The following NLE1 variants were observed in gnomAD, a reference collection of about 807,000 sequenced individuals.
The protein encoded by NLE1 is notchless protein homolog 1.
In NLE1, 37 loss-of-function variants were observed where a neutral mutation model predicts 62.8. That is an observed-to-expected ratio of 0.59 (90% CI 0.45 to 0.78). The LOEUF (loss-of-function observed/expected upper bound fraction) is 0.78, where lower values mean the gene tolerates loss of function less well. Ranked by LOEUF, NLE1 falls within the 30% of genes least tolerant of loss-of-function variation. The probability of loss-of-function intolerance (pLI) is 0.00; values close to 1 mark genes in which losing one functional copy is unlikely to be tolerated. For missense variants in NLE1, 555 were observed against 637.9 expected, an observed-to-expected ratio of 0.87 and a Z score of 1.40; for synonymous variants, 243 against 253.0, an observed-to-expected ratio of 0.96 and a Z score of 0.37.
chr17:35,139,763 C>G, intron 3 of NLE1, 86 bp downstream of exon 3: 1 of 1,546,246 alleles, frequency 6.5e-7, no homozygotes, highest in Non-Finnish European at 8.7e-7. Context: ...GAGGCCCCAT[C>G]AATTATAACT....
intron 7 of NLE1, 41 bp downstream of exon 7, chr17:35,136,960 G>A: frequency 6.5e-7 from 1 of 1,531,010 alleles, no homozygotes; most frequent in South Asian, 1.2e-5. Flanking sequence ...CTTGTGACTT[G>A]CGATTTTCTG....
In NLE1 at chr17:35,133,073, G is replaced by A. The variant is rs181545227; in HGVS notation, c.1445+98C>T. ...CTCAAGACAGTCTGAGCACCTGGAC[G>A]GCCCTGCGGAATTCTATGCTGTAAG... On this transcript the variant is annotated intron_variant, in intron 12 of 12. Transcript: ENST00000442241. 33 of 1,180,734 alleles carry A rather than the reference G, an allele frequency of 2.8e-5. No homozygotes were observed. The African/African-American group carries it at 3.0e-4, about 11-fold the overall frequency. The allele number at this position is 1,180,734 out of a possible 1,614,324, so 73.1% of individuals were successfully genotyped here.
intron 6 of NLE1, 123 bp from the exon 7 acceptor site, chr17:35,137,316 C>T: frequency 1.0e-6 from 1 of 979,346 alleles, no homozygotes; most frequent in Non-Finnish European, 1.5e-6. Flanking sequence ...ACACCAAGAC[C>T]CGGCTGCACT....
At chr17:35,139,717 C>A in intron 3 of NLE1, 132 bp downstream of exon 3, 1 of 1,301,296 alleles carries the variant, frequency 7.7e-7, no homozygotes, top group South Asian at 1.5e-5. Context: ...TAATTGCAAG[C>A]TGAGTCCAGA....
At chr17:35,139,369 T>A in intron 3 of NLE1, 55 bp from the exon 4 acceptor site, 5 of 1,391,482 alleles carry the variant, frequency 3.6e-6, no homozygotes, top group Non-Finnish European at 5.1e-6. Context: ...TGCCACCTAT[T>A]CAATCACTTT....
In NLE1 at chr17:35,142,115, G is replaced by A; in HGVS notation, c.26C>T (p.Ala9Val). The part of the protein sequence containing the change: MAAAVPDE[A>V]VARDVQRLLV... The stretch of plus-strand genomic sequence containing the variant: ...CAACCGCTGCACATCGCGCGCCACC[G>A]CCTCGTCCTGCGCGAGCAAGTGGGG... The change falls in exon 2 of 13, where the codon GCG becomes GTG. Residue 9 changes from alanine to valine, a missense_variant. Transcript: ENST00000442241. The A allele has an allele frequency of 6.2e-7, 1 of 1,611,116 alleles. No individual in the cohort carries two copies. Among genetic ancestry groups the A allele is most frequent in the Non-Finnish European group, 8.5e-7 (1 of 1,179,314 alleles).
rs1404755890 is a variant in NLE1 at position 35,138,274 on chromosome 17, CTAAT to C, written c.461-388_461-385del. Among the ~76,000 whole-genome samples the C allele has an allele frequency of 1.1e-4, 16 of 152,334 alleles. No individual in the cohort carries two copies. The South Asian group carries it at 3.1e-3, about 30-fold the overall frequency. On this transcript the variant is annotated intron_variant, in intron 4 of 12. Coordinates refer to ENST00000442241, the MANE Select transcript of NLE1 (RefSeq NM_018096.5). ...GCCCTACACACACAAGGTCACTTAACTAATCTGTGGTATAGCAGTGGTTCTTCAA... is the reference window on the plus strand; with the variant it reads ...GCCCTACACACACAAGGTCACTTAACCTGTGGTATAGCAGTGGTTCTTCAA...
rs1423622351 is a variant in NLE1 at position 35,137,000 on chromosome 17, C to T, written c.828+1G>A. 1 of 1,593,916 alleles carries T rather than the reference C, an allele frequency of 6.3e-7. No individual in the cohort carries two copies. Among genetic ancestry groups the T allele is most frequent in the Non-Finnish European group, 8.6e-7 (1 of 1,165,004 alleles). On this transcript the variant is annotated splice_donor_variant, in intron 7 of 12. Coordinates refer to ENST00000442241, the MANE Select transcript of NLE1 (RefSeq NM_018096.5). LOFTEE classifies it high-confidence loss of function. ...GGTTTCTGAACCCTCCCAGCACTTA[C>T]GTCATGAGCTCTCCAGACTTTGATG...
Position 35,139,942 on chromosome 17 carries a change from G to A in NLE1, c.287C>T (p.Ala96Val), listed in dbSNP as rs1455144469. ...AGTCACAGCCCGGACTCTGAAGATA[G>A]CCTGTGGCTGGTAGATGATGTCTAG... ...KVLDIIYQPQ[A>V]IFRVRAVTRC... Residue 96 changes from alanine to valine, a missense_variant, in exon 3 of 13, where the codon GCT becomes GTT. Ala to Val is a moderately conservative substitution (Grantham distance 64). Coordinates refer to ENST00000442241, the MANE Select transcript of NLE1 (RefSeq NM_018096.5). The A allele has an allele frequency of 3.7e-6, 6 of 1,614,206 alleles. No homozygotes were observed. The South Asian group carries it at 5.5e-5, about 15-fold the overall frequency.
chr17:35,139,342 C>T, intron 3 of NLE1, 28 bp from the exon 4 acceptor site: 1 of 1,576,352 alleles, frequency 6.3e-7, no homozygotes, highest in Middle Eastern at 1.7e-4. Context: ...ATGCTTGACA[C>T]TGCACATGTG....
Position 35,129,866 on chromosome 17 carries a change from C to T in NLE1, c.*2571G>A, listed in dbSNP as rs894172606. 7.8e-6 allele frequency: 11 copies of T among 1,418,050 alleles called. 1 individual carries two copies. The highest frequency in any genetic ancestry group is 4.7e-5 in the South Asian group (3 of 64,140). The allele number at this position is 1,418,050 out of a possible 1,614,324, so 87.8% of individuals were successfully genotyped here. ...CTCTGGGGCCCACTAGGAATGCAAACGAATGTATTTTTCAACATCACTATA... is the reference window on the plus strand; with the variant it reads ...CTCTGGGGCCCACTAGGAATGCAAATGAATGTATTTTTCAACATCACTATA... On this transcript the variant is annotated 3_prime_UTR_variant, in exon 13 of 13. Coordinates refer to ENST00000442241, the MANE Select transcript of NLE1 (RefSeq NM_018096.5).
Position 35,129,591 on chromosome 17 carries a change from C to G in NLE1, c.*2846G>C. 1.9e-6 allele frequency: 3 copies of G among 1,614,182 alleles called. No homozygotes were observed. Among genetic ancestry groups the G allele is most frequent in the Non-Finnish European group, 2.5e-6 (3 of 1,180,040 alleles). The stretch of plus-strand genomic sequence containing the variant: ...AAGCTGATGGAGCTAAAGCCTAACA[C>G]GTGTTACTGCCTCAGTGTCCGTGCA... On this transcript the variant is annotated 3_prime_UTR_variant, in exon 13 of 13. Coordinates refer to ENST00000442241, the MANE Select transcript of NLE1 (RefSeq NM_018096.5).
chr17:35,141,907 C>T (rs2091946399), intron 2 of NLE1, 72 bp downstream of exon 2: 2 of 1,484,514 alleles, frequency 1.3e-6, no homozygotes, highest in South Asian at 2.5e-5. Flanking sequence ...ACCGCAGACC[C>T]TCGGTAATAT....
chr17:35,140,277 G>T (rs2091935168), intron 2 of NLE1, among the ~76,000 whole-genome samples: 1 of 152,212 alleles, frequency 6.6e-6, no homozygotes, highest in East Asian at 1.9e-4. Context: ...CACCCAGGCT[G>T]GAGTGCAGTG....
At chr17:35,135,125 C>A (rs574893732) in intron 10 of NLE1, 124 bp downstream of exon 10, 3 of 884,024 alleles carry the variant, frequency 3.4e-6, no homozygotes, top group South Asian at 2.7e-5. Flanking sequence ...TGCATATTAC[C>A]AAAGAGGAAA....
rs535550160 is a variant in NLE1 at position 35,139,710 on chromosome 17, T to C, written c.380+139A>G. 94 of 1,245,972 alleles carry C rather than the reference T, an allele frequency of 7.5e-5. No homozygotes were observed. In the South Asian group the frequency reaches 1.2e-3, roughly 15 times the overall value. The allele number at this position is 1,245,972 out of a possible 1,614,324, so 77.2% of individuals were successfully genotyped here. ...ATGCCCTACTGAGGAAGTCCCTTAA[T>C]TGCAAGCTGAGTCCAGAGCTTGGGT... On this transcript the variant is annotated intron_variant, in intron 3 of 12. Coordinates refer to ENST00000442241, the MANE Select transcript of NLE1 (RefSeq NM_018096.5).
rs752603152 is a variant in NLE1 at position 35,142,006 on chromosome 17, C to T, written c.135G>A (p.Gln45=). 1.3e-6 allele frequency: 2 copies of T among 1,599,184 alleles called. No homozygotes were observed. The highest frequency in any genetic ancestry group is 3.5e-5 in the Admixed American group (2 of 57,192). ...VPVDITPDRL[Q]LVCNALLAQE... is the part of the protein sequence containing the mutation. ...GGGCCAGTAGCGCGTTGCACACGAGCTGCAGCCTGTCCGGGGTGATGTCCA... is the reference window on the plus strand; with the variant it reads ...GGGCCAGTAGCGCGTTGCACACGAGTTGCAGCCTGTCCGGGGTGATGTCCA... Residue 45 remains glutamine, a synonymous_variant, in exon 2 of 13, where the codon CAG becomes CAA. Coordinates refer to ENST00000442241, the MANE Select transcript of NLE1 (RefSeq NM_018096.5).
At chr17:35,139,797 G>A in intron 3 of NLE1, 52 bp downstream of exon 3, 1 of 1,590,806 alleles carries the variant, frequency 6.3e-7, no homozygotes, top group Non-Finnish European at 8.5e-7. Context: ...CCCAAACCAG[G>A]CAAAGACTGC....
In NLE1 at chr17:35,130,498, G is replaced by C. The variant is rs2091870459; in HGVS notation, c.*1939C>G. ...TTCAACCCCAGGCCCTCAGAAACCAGAGCCATGAGACCTACCATACCACCA... is the reference window on the plus strand; with the variant it reads ...TTCAACCCCAGGCCCTCAGAAACCACAGCCATGAGACCTACCATACCACCA... On this transcript the variant is annotated 3_prime_UTR_variant, in exon 13 of 13. Transcript: ENST00000442241. The C allele has an allele frequency of 6.5e-7, 1 of 1,535,990 alleles. No individual in the cohort carries two copies. Among genetic ancestry groups the C allele is most frequent in the South Asian group, 1.2e-5 (1 of 84,532 alleles).
Sources: allele counts gnomAD v4.1 joint callset (sites outside exome capture counted in the v4.1 genomes callset), GRCh38; gene constraint gnomAD v4.1.1; transcripts MANE v1.5; gene names NCBI Gene and HGNC (gene_info 2026-07-23, HGNC 2026-07-21).